ANKRD36: variants seen among roughly 807,000 people sequenced by gnomAD.
ANKRD36 encodes ankyrin repeat domain-containing protein 36A.
In ANKRD36, 179 loss-of-function variants were observed where a neutral mutation model predicts 278.1. The observed-to-expected ratio is 0.64, with a 90% CI of 0.57 to 0.73. The LOEUF (loss-of-function observed/expected upper bound fraction) is 0.73, where lower values mean the gene tolerates loss of function less well. Among genes scored for constraint, ANKRD36 ranks in the 30% least tolerant of loss-of-function variants. ANKRD36 has a pLI of 0.00. For missense variants in ANKRD36, 1,159 were observed against 1,956.7 expected (o/e 0.59, Z 7.69); for synonymous variants, 320 against 641.1 (o/e 0.50, Z 7.57).
Position 97,187,197 on chromosome 2 carries a change from G to T in ANKRD36, c.2042-1G>T, listed in dbSNP as rs752686197. 7.2e-5 allele frequency: 116 copies of T among 1,609,462 alleles called. 3 individuals carry two copies. The Middle Eastern group carries it at 1.1e-3, about 16-fold the overall frequency. On this transcript the variant is annotated splice_acceptor_variant, in intron 30 of 75. Transcript: ENST00000420699. LOFTEE classifies it high-confidence loss of function. ...GATTATGTATCCCTTTTGCTTTTCAGTGTCTTCTCAGAAACAACCAGCCTT... is the reference window on the plus strand; with the variant it reads ...GATTATGTATCCCTTTTGCTTTTCATTGTCTTCTCAGAAACAACCAGCCTT...
intron 6 of ANKRD36, among the ~76,000 whole-genome samples, chr2:97,135,009 A>G (rs1222216709): frequency 6.6e-6 from 1 of 152,114 alleles, no homozygotes; most frequent in African/African-American, 2.4e-5. Context: ...CATCTTCCCT[A>G]GGAGAGGATT....
At position 97,231,836 on chromosome 2, in the gene ANKRD36, T is replaced by C. The variant is rs541306105; in HGVS notation, c.3952-1894T>C. ...TGGTGGTGATTTTGGCTCCTAATAA[T>C]TTAAAGTTTGCCTAATCATTAGTTA... On this transcript the variant is annotated intron_variant, in intron 67 of 75. Coordinates refer to ENST00000420699, the MANE Select transcript of ANKRD36 (RefSeq NM_001354587.1). Among the ~76,000 whole-genome samples, 11 of 152,202 alleles carry C rather than the reference T, an allele frequency of 7.2e-5. No individual in the cohort carries two copies. The East Asian group carries it at 2.0e-3, about 27-fold the overall frequency.
chr2:97,204,804 C>G (rs1443678296), intron 50 of ANKRD36, among the ~76,000 whole-genome samples: 1 of 151,510 alleles, frequency 6.6e-6, no homozygotes, highest in Non-Finnish European at 1.5e-5. Flanking sequence ...GAACTCACTT[C>G]AGATGCATTT....
intron 75 of ANKRD36, among the ~76,000 whole-genome samples, chr2:97,260,367 TATATATATATATAC>T (rs2076582390): frequency 7.9e-6 from 1 of 127,180 alleles, no homozygotes; most frequent in Non-Finnish European, 1.6e-5. Context: ...TATATATATA[TATATATATATATAC>T]ACACATATAT....
At chr2:97,201,957 T>C (rs1461836566) in intron 46 of ANKRD36, among the ~76,000 whole-genome samples, 3 of 151,994 alleles carry the variant, frequency 2.0e-5, no homozygotes, top group African/African-American at 7.2e-5. Context: ...ATGGTTTTAT[T>C]TTAGTTTTCG....
intron 6 of ANKRD36, among the ~76,000 whole-genome samples, chr2:97,135,977 A>G (rs1392561724): frequency 6.6e-6 from 1 of 151,928 alleles, no homozygotes; most frequent in Non-Finnish European, 1.5e-5. Flanking sequence ...CAGAATTTCC[A>G]AGATGATATC....
At chr2:97,218,704 T>C (rs1289818089) in intron 64 of ANKRD36, among the ~76,000 whole-genome samples, 3 of 152,122 alleles carry the variant, frequency 2.0e-5, no homozygotes, top group African/African-American at 7.2e-5. Flanking sequence ...CAGTTAGCAC[T>C]AGCTTTTACA....
intron 25 of ANKRD36, 36 bp downstream of exon 25, chr2:97,181,662 C>G: frequency 6.2e-7 from 1 of 1,604,356 alleles, no homozygotes; most frequent in Non-Finnish European, 8.5e-7. Context: ...GAACTATTAA[C>G]TGTATAGTCT....
intron 42 of ANKRD36, among the ~76,000 whole-genome samples, chr2:97,197,959 C>T (rs2060247886): frequency 1.3e-5 from 2 of 151,872 alleles, no homozygotes; most frequent in African/African-American, 4.8e-5. Flanking sequence ...GACCCTTCCA[C>T]TGAAGGGATG....
intron 16 of ANKRD36, 63 bp downstream of exon 16, chr2:97,158,230 T>C (rs1484079046): frequency 1.1e-5 from 15 of 1,389,234 alleles, no homozygotes; most frequent in Non-Finnish European, 1.5e-5. Flanking sequence ...TTTCTTTTTC[T>C]TTCTTATTTT....
chr2:97,174,838 G>A (rs1052838025), intron 22 of ANKRD36, among the ~76,000 whole-genome samples: 5 of 151,668 alleles, frequency 3.3e-5, no homozygotes, highest in African/African-American at 9.7e-5. Flanking sequence ...AGCATGAAGG[G>A]TTGTTGAATT....
chr2:97,206,281 T>G, intron 52 of ANKRD36, 146 bp downstream of exon 52: 1 of 971,626 alleles, frequency 1.0e-6, no homozygotes, highest in South Asian at 1.8e-5. Flanking sequence ...CGTTCTTGGG[T>G]GATGCTGATG....
intron 22 of ANKRD36, among the ~76,000 whole-genome samples, chr2:97,171,996 A>T (rs796735196): frequency 3.8e-3 from 520 of 137,194 alleles, no homozygotes; most frequent in East Asian, 6.7e-3. Flanking sequence ...AAAAATGAAG[A>T]AAGTAAGTGG....
At chr2:97,215,726 T>C in intron 62 of ANKRD36, 1 of 1,295,794 alleles carries the variant, frequency 7.7e-7, no homozygotes. Flanking sequence ...AGAAGAGCCA[T>C]AGGAGAGCGG....
intron 15 of ANKRD36, among the ~76,000 whole-genome samples, chr2:97,156,373 C>CCCCCA (rs1342998133): frequency 7.2e-6 from 1 of 139,144 alleles, no homozygotes; most frequent in African/African-American, 2.5e-5. Context: ...CTCCCCCCTA[C>CCCCCA]CCCCACCCCA....
chr2:97,172,797 C>G (rs1839912), intron 22 of ANKRD36, among the ~76,000 whole-genome samples: 1 of 141,964 alleles, frequency 7.0e-6, no homozygotes, highest in Non-Finnish European at 1.5e-5. Flanking sequence ...AGAAACACCC[C>G]GTAAAGCCAT....
chr2:97,133,633 A>G (rs982159281), intron 6 of ANKRD36, among the ~76,000 whole-genome samples: 4 of 152,128 alleles, frequency 2.6e-5, no homozygotes, highest in African/African-American at 7.2e-5. Flanking sequence ...GTACTTTTAT[A>G]TACTATAATT....
In ANKRD36 at chr2:97,203,952, C is replaced by G. The variant is rs1029082385; in HGVS notation, c.2960-116C>G. 6 of 1,465,344 alleles carry G rather than the reference C, an allele frequency of 4.1e-6. No individual in the cohort carries two copies. The African/African-American group carries it at 7.3e-5, about 18-fold the overall frequency. 90.8% of individuals were successfully genotyped at this position (1,465,344 alleles called of 1,614,324 possible). On this transcript the variant is annotated intron_variant, in intron 48 of 75. Transcript: ENST00000420699. ...TCCCCAGACCAAAATTAGAAGCCAT[C>G]AAAGCATACGCTAATACAGGCAGGA...
At position 97,134,440 on chromosome 2, in the gene ANKRD36, G is replaced by A. The variant is rs192503374; in HGVS notation, c.799+7306G>A. On this transcript the variant is annotated intron_variant, in intron 6 of 75. Transcript: ENST00000420699. Reference sequence around the variant, plus strand: ...CAGTGGAAAGGGACAATCTCAAGACGTTGTACTTTATAAAACGAGTCAGAA... The same window carrying A: ...CAGTGGAAAGGGACAATCTCAAGACATTGTACTTTATAAAACGAGTCAGAA... Among the ~76,000 whole-genome samples, 161 of 152,192 alleles carry A rather than the reference G, an allele frequency of 1.1e-3. 2 individuals carry two copies. Among genetic ancestry groups the A allele is most frequent in the Admixed American group, 1.8e-3 (27 of 15,252 alleles).
Sources: gnomAD v4.1 joint callset for allele counts (sites outside exome capture counted in the v4.1 genomes callset) on GRCh38, gnomAD v4.1.1 for gene constraint, MANE v1.5 for transcripts, NCBI Gene and HGNC (gene_info 2026-07-23, HGNC 2026-07-21) for gene names.